The following KANSL1 variants were observed in gnomAD, a reference collection of about 807,000 sequenced individuals.
KANSL1 encodes MLL1/MLL complex subunit KANSL1.
In KANSL1, 22 loss-of-function variants were observed where a neutral mutation model predicts 103.6. The observed-to-expected ratio is 0.21, with a 90% CI of 0.15 to 0.30. KANSL1 has a LOEUF of 0.30. Among genes scored for constraint, KANSL1 ranks in the 10% least tolerant of loss-of-function variants. KANSL1 has a pLI of 1.00. For synonymous variants in KANSL1, 600 were observed against 527.6 expected, an observed-to-expected ratio of 1.14 and a Z score of -1.88; for missense variants, 1,337 against 1,399.8, an observed-to-expected ratio of 0.96 and a Z score of 0.72.
chr17:46,222,823 C>T (rs932614260), intron 1 of KANSL1: 2 of 152,158 alleles, frequency 1.3e-5, no homozygotes, highest in African/African-American at 4.8e-5. Flanking sequence ...GTCCTTCCTC[C>T]CATCCCCTCC....
intron 2 of KANSL1, among the ~76,000 whole-genome samples, chr17:46,135,377 C>T (rs1309453242): frequency 6.6e-6 from 1 of 151,932 alleles, no homozygotes. Context: ...AAACATAAAA[C>T]ATAGTATGGA....
At chr17:46,201,196 G>A (rs978712879) in intron 1 of KANSL1, among the ~76,000 whole-genome samples, 3 of 152,194 alleles carry the variant, frequency 2.0e-5, no homozygotes, top group African/African-American at 7.2e-5. Flanking sequence ...ACAGGCGTGA[G>A]CCACCACGCC....
intron 7 of KANSL1, chr17:46,050,209 C>T (rs898315757): frequency 7.3e-6 from 2 of 273,960 alleles, no homozygotes; most frequent in Non-Finnish European, 1.4e-5. Flanking sequence ...ACCCACCACG[C>T]CTGGCCCAGA....
chr17:46,124,718 C>T (rs893354915), intron 2 of KANSL1, among the ~76,000 whole-genome samples: 11 of 152,012 alleles, frequency 7.2e-5, no homozygotes, highest in Non-Finnish European at 1.3e-4. Flanking sequence ...AAGTTGACTC[C>T]GACTCTCATG....
intron 4 of KANSL1, among the ~76,000 whole-genome samples, chr17:46,080,412 A>G (rs1321084518): frequency 6.6e-6 from 1 of 151,838 alleles, no homozygotes; most frequent in Non-Finnish European, 1.5e-5. Context: ...GTGGGTATGA[A>G]AACCTACAGT....
chr17:46,213,153 G>A (rs142567969), intron 1 of KANSL1, among the ~76,000 whole-genome samples: 18 of 152,332 alleles, frequency 1.2e-4, no homozygotes, highest in Admixed American at 2.6e-4. Context: ...AGAACCATAC[G>A]CTTGCCTGTC....
chr17:46,096,311 CTTTTTTTTTTTTTTTTTTTT>C (rs71138525), intron 2 of KANSL1, among the ~76,000 whole-genome samples: 4 of 76,408 alleles, frequency 5.2e-5, no homozygotes, highest in Non-Finnish European at 7.4e-5. Flanking sequence ...GCTTTTTTTT[CTTTTTTTTTTTTTTTTTTTT>C]TGAGATGGAG....
chr17:46,217,468 T>C (rs1040994082), intron 1 of KANSL1, among the ~76,000 whole-genome samples: 4 of 142,338 alleles, frequency 2.8e-5, no homozygotes, highest in African/African-American at 1.0e-4. Flanking sequence ...AAAGAGAGAC[T>C]CTAAAAAAAA....
At chr17:46,074,807 A>G (rs2078701374) in intron 4 of KANSL1, among the ~76,000 whole-genome samples, 1 of 145,932 alleles carries the variant, frequency 6.9e-6, no homozygotes, top group Non-Finnish European at 1.5e-5. Flanking sequence ...AAATAAATAA[A>G]TATTGTCAGT....
chr17:46,209,640 T>A (rs62070907), intron 1 of KANSL1, among the ~76,000 whole-genome samples: 1 of 152,102 alleles, frequency 6.6e-6, no homozygotes, highest in African/African-American at 2.4e-5. Flanking sequence ...ATTACAGGCA[T>A]GTGCCACCAC....
intron 1 of KANSL1, among the ~76,000 whole-genome samples, chr17:46,202,556 T>G (rs532868451): frequency 1.3e-5 from 2 of 152,230 alleles, no homozygotes; most frequent in Non-Finnish European, 2.9e-5. Context: ...CTAAAACCCC[T>G]GAATGTAATC....
At chr17:46,184,641 C>G (rs1247076733) in intron 1 of KANSL1, among the ~76,000 whole-genome samples, 1 of 152,178 alleles carries the variant, frequency 6.6e-6, no homozygotes, top group Non-Finnish European at 1.5e-5. Flanking sequence ...TATGCCCCTG[C>G]ACCTTTACTC....
chr17:46,190,494 A>G (rs1251987813), intron 1 of KANSL1, among the ~76,000 whole-genome samples: 1 of 152,274 alleles, frequency 6.6e-6, no homozygotes, highest in Non-Finnish European at 1.5e-5. Context: ...ACTTCACTTC[A>G]GTGGACTCAT....
intron 1 of KANSL1, among the ~76,000 whole-genome samples, chr17:46,190,865 T>G (rs1401724083): frequency 2.0e-5 from 3 of 152,256 alleles, no homozygotes; most frequent in Non-Finnish European, 4.4e-5. Flanking sequence ...TTTTTTAAAT[T>G]CCCAAGGGAT....
In KANSL1 at chr17:46,082,483, T is replaced by C. The variant is rs17576165; in HGVS notation, c.1491A>G (p.Pro497=). 0.19 allele frequency: 301,784 copies of C among 1,608,230 alleles called. 32,601 individuals carry two copies. The highest frequency in any genetic ancestry group is 0.22 in the Non-Finnish European group (258,914 of 1,175,068). ...PPEHTTDLFL[P]LSSEVKTDHG... is the part of the protein sequence containing the mutation. ...GATCTGTCTTCACCTCAGAACTAAG[T>C]GGAAGAAATAAGTCTGTTGTATGCT... Residue 497 remains proline (P), a synonymous_variant, in exon 4 of 15, where the codon CCA becomes CCG. Transcript: ENST00000432791.
intron 2 of KANSL1, among the ~76,000 whole-genome samples, chr17:46,134,356 C>T (rs1454625975): frequency 2.0e-5 from 3 of 151,954 alleles, no homozygotes; most frequent in Non-Finnish European, 4.4e-5. Flanking sequence ...GAGGTCGCGC[C>T]ACTGCACTAC....
intron 2 of KANSL1, among the ~76,000 whole-genome samples, chr17:46,095,947 A>C (rs1234687113): frequency 2.6e-5 from 4 of 152,230 alleles, no homozygotes; most frequent in Admixed American, 2.6e-4. Flanking sequence ...TAGGTAAAAC[A>C]TTAAGATGCT....
chr17:46,039,637 G>C, intron 8 of KANSL1, 65 bp downstream of exon 8: 1 of 1,529,970 alleles, frequency 6.5e-7, no homozygotes, highest in Non-Finnish European at 8.8e-7. Flanking sequence ...CTACAAATTT[G>C]AGAATATAAA....
intron 1 of KANSL1, among the ~76,000 whole-genome samples, chr17:46,216,616 A>AAAAAAAAAAT (rs778351416): frequency 1.4e-5 from 2 of 147,864 alleles, no homozygotes; most frequent in Non-Finnish European, 3.0e-5. Context: ...AAAAAAAAAA[A>AAAAAAAAAAT]GTTTCAAAGA....
Sources: gnomAD v4.1 joint callset for allele counts (sites outside exome capture counted in the v4.1 genomes callset) on GRCh38, gnomAD v4.1.1 for gene constraint, MANE v1.5 for transcripts, NCBI Gene and HGNC (gene_info 2026-07-23, HGNC 2026-07-21) for gene names.